C16orf74: variants seen among roughly 807,000 people sequenced by gnomAD.
C16orf74 encodes the protein calcimembrin.
Under a neutral mutation model 6.5 loss-of-function variants are expected in C16orf74, and 10 were observed. That is an observed-to-expected ratio of 1.54 (90% CI 0.95 to 2.61). The LOEUF (loss-of-function observed/expected upper bound fraction) is 2.61. C16orf74 is among the 30% of genes most tolerant of loss of function. The pLI is 0.00. For missense variants in C16orf74, 141 were observed against 105.9 expected (o/e 1.33, Z -1.45); for synonymous variants, 60 against 42.5 (o/e 1.41, Z -1.60).
chr16:85,726,191 C>A (rs910927128), intron 2 of C16orf74, among the ~76,000 whole-genome samples: 1 of 152,178 alleles, frequency 6.6e-6, no homozygotes, highest in African/African-American at 2.4e-5. Flanking sequence ...ACCACGAAAT[C>A]CAGCCTGCTG....
rs1468217731 is a variant in C16orf74 at position 85,718,323 on chromosome 16, C to T, written c.29-8016G>A. 2.6e-5 allele frequency among the ~76,000 whole-genome samples: 4 copies of T among 152,314 alleles called. No individual in the cohort carries two copies. The East Asian group carries it at 7.7e-4, about 29-fold the overall frequency. On this transcript the variant is annotated intron_variant, in intron 2 of 3. Coordinates refer to ENST00000284245, the MANE Select transcript of C16orf74 (RefSeq NM_206967.3). ...TCAAACGATCCTCCTGCCTTGGCCT[C>T]CCAAAGTCCTGGGGTTACAGGTATA...
At chr16:85,741,060 G>A (rs1184563710) in intron 1 of C16orf74, among the ~76,000 whole-genome samples, 4 of 152,124 alleles carry the variant, frequency 2.6e-5, no homozygotes, top group African/African-American at 9.7e-5. Context: ...ACTGCTTCAA[G>A]AAAAAGGCTT....
Position 85,747,315 on chromosome 16 carries a change from G to A in C16orf74, c.-19+3611C>T, listed in dbSNP as rs138159354. 1.2e-3 allele frequency among the ~76,000 whole-genome samples: 188 copies of A among 152,292 alleles called. 2 individuals carry two copies. The highest frequency in any genetic ancestry group is 4.4e-3 in the African/African-American group (181 of 41,546). On this transcript the variant is annotated intron_variant, in intron 1 of 3. Transcript: ENST00000284245. Reference sequence around the variant, plus strand: ...AAAAATACAAAAATTAGCTGGGTATGGTGGCACACACCTGTGGTCCCAACT... The same window carrying A: ...AAAAATACAAAAATTAGCTGGGTATAGTGGCACACACCTGTGGTCCCAACT...
intron 2 of C16orf74, among the ~76,000 whole-genome samples, chr16:85,717,667 C>T (rs2054038524): frequency 1.3e-5 from 2 of 152,234 alleles, no homozygotes; most frequent in Non-Finnish European, 2.9e-5. Flanking sequence ...TGGGCTGAGC[C>T]TGCCATTTGC....
chr16:85,745,139 TAAAAAAAAAAAAAAA>T (rs10554549), intron 1 of C16orf74, among the ~76,000 whole-genome samples: 1,242 of 51,078 alleles, frequency 0.024, 23 homozygotes, highest in South Asian at 0.054. Flanking sequence ...AAACTCTGTC[TAAAAAAAAAAAAAAA>T]AAAAAAAAAA....
chr16:85,731,690 CAT>C (rs377300011), intron 2 of C16orf74, among the ~76,000 whole-genome samples: 3,930 of 39,412 alleles, frequency 0.1, 161 homozygotes, highest in African/African-American at 0.17. Flanking sequence ...TTTGTGATGT[CAT>C]TTTTTTTTTT....
chr16:85,726,844 G>A (rs1041454392), intron 2 of C16orf74, among the ~76,000 whole-genome samples: 2 of 152,072 alleles, frequency 1.3e-5, no homozygotes, highest in Non-Finnish European at 2.9e-5. Context: ...CCTCCACCAT[G>A]CACGCCAGGC....
At chr16:85,737,291 G>A (rs937929747) in intron 1 of C16orf74, among the ~76,000 whole-genome samples, 2 of 152,178 alleles carry the variant, frequency 1.3e-5, no homozygotes, top group Non-Finnish European at 2.9e-5. Context: ...CGGTAGCTGT[G>A]CATGCAGAGT....
chr16:85,742,476 G>C (rs1217722819), intron 1 of C16orf74, among the ~76,000 whole-genome samples: 2 of 152,126 alleles, frequency 1.3e-5, no homozygotes, highest in Non-Finnish European at 2.9e-5. Context: ...TTGAGTGGAA[G>C]CAGCCTGAGG....
chr16:85,747,592 A>G (rs1567815266), intron 1 of C16orf74, among the ~76,000 whole-genome samples: 1 of 152,128 alleles, frequency 6.6e-6, no homozygotes, highest in Admixed American at 6.6e-5. Context: ...CACACTTTTG[A>G]TGTACACTTA....
At position 85,730,559 on chromosome 16, in the gene C16orf74, C is replaced by T. The variant is rs117747846; in HGVS notation, c.28+4631G>A. ...CAGACCAGCCACTGAACCCCCACAT[C>T]AGCCAACTGAACCCCCAGACCACAC... On this transcript the variant is annotated intron_variant, in intron 2 of 3. Transcript: ENST00000284245. Among the ~76,000 whole-genome samples the T allele has an allele frequency of 3.9e-3, 495 of 126,068 alleles. 14 individuals carry two copies. In the East Asian group the frequency reaches 0.049, roughly 12 times the overall value. 82.7% of individuals were successfully genotyped at this position (126,068 alleles called of 152,430 possible).
chr16:85,738,490 A>C (rs1387039630), intron 1 of C16orf74, among the ~76,000 whole-genome samples: 1 of 122,188 alleles, frequency 8.2e-6, no homozygotes, highest in Non-Finnish European at 1.8e-5. Flanking sequence ...ACACCCAGCT[A>C]ATTTTTTTTT....
At chr16:85,732,849 C>T (rs867539031) in intron 2 of C16orf74, among the ~76,000 whole-genome samples, 18 of 152,074 alleles carry the variant, frequency 1.2e-4, no homozygotes, top group Non-Finnish European at 2.2e-4. Flanking sequence ...TCGGGACAGG[C>T]GCTGTTCCAG....
At chr16:85,728,936 C>T (rs1434378749) in intron 2 of C16orf74, among the ~76,000 whole-genome samples, 1 of 152,212 alleles carries the variant, frequency 6.6e-6, no homozygotes, top group African/African-American at 2.4e-5. Flanking sequence ...GTGTTGAAAA[C>T]CCTGAGTTCC....
At chr16:85,710,558 A>G (rs2053959589) in intron 2 of C16orf74, 3 of 461,144 alleles carry the variant, frequency 6.5e-6, no homozygotes, top group Non-Finnish European at 7.6e-6. Flanking sequence ...ATCATAGGCT[A>G]GTTGGCCTCT....
At chr16:85,710,071 C>G (rs921442112) in intron 3 of C16orf74, 93 bp downstream of exon 3, 4 of 1,120,064 alleles carry the variant, frequency 3.6e-6, no homozygotes, top group Non-Finnish European at 4.7e-6. Flanking sequence ...GGGACGCAAG[C>G]TAGGCCCCGT....
intron 1 of C16orf74, among the ~76,000 whole-genome samples, chr16:85,741,922 T>G (rs983041720): frequency 1.3e-5 from 2 of 152,194 alleles, no homozygotes; most frequent in Non-Finnish European, 2.9e-5. Flanking sequence ...TATTTGTCCC[T>G]TCCAAACCTC....
intron 2 of C16orf74, among the ~76,000 whole-genome samples, chr16:85,720,796 T>C (rs754190509): frequency 7.5e-6 from 1 of 132,470 alleles, no homozygotes; most frequent in Non-Finnish European, 1.6e-5. Flanking sequence ...AAAAAAGCGG[T>C]TGGGGGTGGC....
chr16:85,750,803 G>GAA (rs2054429349), intron 1 of C16orf74, 123 bp downstream of exon 1: 1 of 152,148 alleles, frequency 6.6e-6, no homozygotes, highest in Non-Finnish European at 1.5e-5. Context: ...CCGACCCCCG[G>GAA]GCCGCGCCCC....
Sources: gnomAD v4.1 joint callset for allele counts (sites outside exome capture counted in the v4.1 genomes callset) on GRCh38, gnomAD v4.1.1 for gene constraint, MANE v1.5 for transcripts, NCBI Gene and HGNC (gene_info 2026-07-23, HGNC 2026-07-21) for gene names.